PCDHA8: variants seen among roughly 807,000 people sequenced by gnomAD.
The protein encoded by PCDHA8 is protocadherin alpha 8.
A neutral mutation model predicts 61.8 loss-of-function variants in PCDHA8; 53 were observed. That is an observed-to-expected ratio of 0.86 (90% confidence interval 0.69 to 1.08). PCDHA8 has a LOEUF of 1.08. PCDHA8 is among the 50% of genes least tolerant of loss of function. The pLI, the probability that PCDHA8 is intolerant of heterozygous loss-of-function variation, is 0.00. For missense variants in PCDHA8, 1,293 were observed against 1,245.0 expected (o/e 1.04, Z -0.58); for synonymous variants, 618 against 556.6 (o/e 1.11, Z -1.55).
intron 3 of PCDHA8, among the ~76,000 whole-genome samples, chr5:140,994,127 A>T (rs536865883): frequency 6.6e-6 from 1 of 152,348 alleles, no homozygotes; most frequent in South Asian, 2.1e-4. Flanking sequence ...GATAAGGGCG[A>T]CAATAATGCC....
chr5:140,863,382 C>A, intron 1 of PCDHA8: 1 of 1,056,944 alleles, frequency 9.5e-7, no homozygotes. Context: ...TCACCGAGAG[C>A]TCGTGCATGC....
In PCDHA8 at chr5:140,843,320, G is replaced by GGAC; in HGVS notation, c.1999_2000insGAC (p.Val667delinsGlyLeu). The GGAC allele has an allele frequency of 6.3e-7, 1 of 1,596,056 alleles. No individual in the cohort carries two copies. The highest frequency in any genetic ancestry group is 8.6e-7 in the Non-Finnish European group (1 of 1,165,592). On this transcript the variant is annotated protein_altering_variant, in exon 1 of 4. Transcript: ENST00000531613. Reference sequence around the variant, plus strand: ...GCTGACCGCCACGGCCACGGTTCTGGTGTCGCTGGTGGAGAGCGGCCAGGC... The same window carrying GGAC: ...GCTGACCGCCACGGCCACGGTTCTGGGACTGTCGCTGGTGGAGAGCGGCCAGGC...
Position 140,855,947 on chromosome 5 carries a change from T to A in PCDHA8, c.2394+12232T>A. On this transcript the variant is annotated intron_variant, in intron 1 of 3. Transcript: ENST00000531613. Reference sequence around the variant, plus strand: ...TAGCGTCATTCTGAGATCTCAGCCATTTCGATAAAAAATAGATATAAGAAA... The same window carrying A: ...TAGCGTCATTCTGAGATCTCAGCCAATTCGATAAAAAATAGATATAAGAAA... 2.9e-6 allele frequency: 4 copies of A among 1,358,712 alleles called. No homozygotes were observed. In the Admixed American group the frequency reaches 7.1e-5, roughly 24 times the overall value. The allele number at this position is 1,358,712 out of a possible 1,614,324, so 84.2% of individuals were successfully genotyped here. A position where few individuals can be genotyped will look rare whatever the true frequency, so the allele number is the denominator to read the frequency against.
intron 3 of PCDHA8, among the ~76,000 whole-genome samples, chr5:140,988,599 G>A (rs782117836): frequency 6.6e-6 from 1 of 152,154 alleles, no homozygotes; most frequent in Non-Finnish European, 1.5e-5. Flanking sequence ...TAATGGTCAT[G>A]TAAATAAAAG....
In PCDHA8 at chr5:140,841,811, G is replaced by A. The variant is rs2150323241; in HGVS notation, c.490G>A (p.Ala164Thr). The A allele has an allele frequency of 3.1e-6, 5 of 1,613,790 alleles. No individual in the cohort carries two copies. In the African/African-American group the frequency reaches 6.7e-5, roughly 22 times the overall value. Residue 164 changes from alanine to threonine, a missense_variant, in exon 1 of 4, where the codon GCT (alanine) becomes ACT (threonine). By Grantham distance (58) the Ala-to-Thr change is moderately conservative. Coordinates refer to ENST00000531613, the MANE Select transcript of PCDHA8 (RefSeq NM_018911.3). The stretch of plus-strand genomic sequence containing the variant: ...GGGCGCGTCCGATGCAGATGTTGGA[G>A]CTAACTCCGTGTTAACCTACAGGCT... The part of the protein sequence containing the change: ...LEGASDADVG[A>T]NSVLTYRLSS...
At chr5:140,892,158 T>C (rs1442080527) in intron 1 of PCDHA8, among the ~76,000 whole-genome samples, 1 of 152,242 alleles carries the variant, frequency 6.6e-6, no homozygotes, top group Non-Finnish European at 1.5e-5. Context: ...ATTTCTGATA[T>C]GTCCAGTAAC....
chr5:140,927,049 C>T (rs1554203972), intron 1 of PCDHA8: 5 of 1,611,932 alleles, frequency 3.1e-6, no homozygotes, highest in Non-Finnish European at 4.2e-6. Context: ...TATGTCCTCG[C>T]GGAACTTTCG....
intron 1 of PCDHA8, among the ~76,000 whole-genome samples, chr5:140,888,871 T>C (rs2062016827): frequency 6.6e-6 from 1 of 152,084 alleles, no homozygotes; most frequent in African/African-American, 2.4e-5. Flanking sequence ...TGTCTCAACA[T>C]AAAAATTAAA....
rs114567887 is a variant in PCDHA8, at chr5:140,974,104, T to G, written c.2395-4845T>G. The stretch of plus-strand genomic sequence containing the variant: ...GACTTCAAAAATCAAAGGTTAAAAG[T>G]ATTCTTTTGCAGTGTTTTAAATCTG... On this transcript the variant is annotated intron_variant, in intron 1 of 3. Coordinates refer to ENST00000531613, the MANE Select transcript of PCDHA8 (RefSeq NM_018911.3). Among the ~76,000 whole-genome samples, 1,327 of 152,364 alleles carry G rather than the reference T, an allele frequency of 8.7e-3. 24 individuals carry two copies. Among genetic ancestry groups the G allele is most frequent in the African/African-American group, 0.03 (1,240 of 41,584 alleles).
chr5:140,990,611 G>T lies in PCDHA8; in HGVS notation c.2542+8048G>T, dbSNP rs577900189. ...AATCACCTGGAGTCAGATGAATACCGTAAAGGTCTGTGGTAAGACTAGAAG... is the reference window on the plus strand; with the variant it reads ...AATCACCTGGAGTCAGATGAATACCTTAAAGGTCTGTGGTAAGACTAGAAG... On this transcript the variant is annotated intron_variant, in intron 3 of 3. Transcript: ENST00000531613. 5.3e-5 allele frequency among the ~76,000 whole-genome samples: 8 copies of T among 152,230 alleles called. No homozygotes were observed. In the East Asian group the frequency reaches 9.6e-4, roughly 18 times the overall value.
At chr5:140,996,832 T>G (rs1338616787) in intron 3 of PCDHA8, among the ~76,000 whole-genome samples, 1 of 152,212 alleles carries the variant, frequency 6.6e-6, no homozygotes, top group African/African-American at 2.4e-5. Flanking sequence ...TACCAATAAT[T>G]TAGCGTGCAT....
chr5:140,946,019 C>CA (rs1222084270), intron 1 of PCDHA8, among the ~76,000 whole-genome samples: 3 of 151,732 alleles, frequency 2.0e-5, no homozygotes, highest in Non-Finnish European at 4.4e-5. Flanking sequence ...TCCTGCGCAG[C>CA]AAAGAAAACA....
chr5:140,982,784 C>T (rs568886944), intron 3 of PCDHA8, among the ~76,000 whole-genome samples: 9 of 151,444 alleles, frequency 5.9e-5, no homozygotes, highest in South Asian at 2.1e-4. Flanking sequence ...TGTGTGTGCA[C>T]GCATGTGTGC....
At chr5:140,844,546 A>G (rs1268882110) in intron 1 of PCDHA8, among the ~76,000 whole-genome samples, 2 of 149,518 alleles carry the variant, frequency 1.3e-5, no homozygotes, top group Non-Finnish European at 3.0e-5. Context: ...CCCTTTGTTC[A>G]TGAGTTGGAA....
At position 140,849,713 on chromosome 5, in the gene PCDHA8, G is replaced by A. The variant is rs2150446260; in HGVS notation, c.2394+5998G>A. ...TGTCCACCTACAAGAATTACTACTC[G>A]TTGGTGCTGGACAGAGCTCTGGACC... On this transcript the variant is annotated intron_variant, in intron 1 of 3. Transcript: ENST00000531613. The A allele has an allele frequency of 6.6e-5, 105 of 1,598,450 alleles. 8 individuals carry two copies. Among genetic ancestry groups the A allele is most frequent in the Middle Eastern group, 1.7e-4 (1 of 5,910 alleles).
At chr5:140,927,092 G>T in intron 1 of PCDHA8, 1 of 1,612,746 alleles carries the variant, frequency 6.2e-7, no homozygotes, top group Non-Finnish European at 8.5e-7. Flanking sequence ...CTCTACTTCG[G>T]GGTGGATCTA....
intron 1 of PCDHA8, among the ~76,000 whole-genome samples, chr5:140,926,081 T>C (rs2153580512): frequency 6.6e-6 from 1 of 152,334 alleles, no homozygotes; most frequent in Admixed American, 6.5e-5. Flanking sequence ...TCTATTGCCC[T>C]CTTGGCAGCT....
chr5:140,921,267 A>G (rs1371688460), intron 1 of PCDHA8, among the ~76,000 whole-genome samples: 2 of 152,168 alleles, frequency 1.3e-5, no homozygotes, highest in Non-Finnish European at 2.9e-5. Flanking sequence ...AGACTTTTAT[A>G]CTTACTTGAA....
At chr5:140,975,364 C>G (rs2096664243) in intron 1 of PCDHA8, among the ~76,000 whole-genome samples, 1 of 152,204 alleles carries the variant, frequency 6.6e-6, no homozygotes, top group South Asian at 2.1e-4. Flanking sequence ...TGCTACATAG[C>G]ATAATGTAAT....
Sources: allele counts gnomAD v4.1 joint callset (sites outside exome capture counted in the v4.1 genomes callset), GRCh38; gene constraint gnomAD v4.1.1; transcripts MANE v1.5; gene names NCBI Gene and HGNC (gene_info 2026-07-23, HGNC 2026-07-21).